Variants in SLCO2A1 observed in about 807,000 individuals in gnomAD.
SLCO2A1 encodes the protein solute carrier organic anion transporter family member 2A1, also known as matrin F/G 1.
A neutral mutation model predicts 71.7 loss-of-function variants in SLCO2A1; 60 were observed. That is an observed-to-expected ratio of 0.84 (90% CI 0.68 to 1.04). The LOEUF is 1.04. SLCO2A1 is among the 50% of genes least tolerant of loss of function. The pLI is 0.00. For missense variants in SLCO2A1, 745 were observed against 813.4 expected, an observed-to-expected ratio of 0.92 and a Z score of 1.02; for synonymous variants, 308 against 326.7, an observed-to-expected ratio of 0.94 and a Z score of 0.62.
At chr3:133,959,118 T>C (rs2081713466) in intron 3 of SLCO2A1, among the ~76,000 whole-genome samples, 1 of 152,226 alleles carries the variant, frequency 6.6e-6, no homozygotes, top group South Asian at 2.1e-4. Context: ...GAGTGATACC[T>C]GCGTCACAGG....
intron 1 of SLCO2A1, among the ~76,000 whole-genome samples, chr3:134,026,874 G>A (rs949068238): frequency 6.6e-6 from 1 of 152,238 alleles, no homozygotes; most frequent in African/African-American, 2.4e-5. Context: ...ACTGGCACAT[G>A]TGCCTGTGCA....
At chr3:133,969,606 G>A (rs918191902) in intron 3 of SLCO2A1, among the ~76,000 whole-genome samples, 1 of 151,446 alleles carries the variant, frequency 6.6e-6, no homozygotes, top group Non-Finnish European at 1.5e-5. Flanking sequence ...GTCTGGTCTC[G>A]AACTCTTGGC....
intron 1 of SLCO2A1, among the ~76,000 whole-genome samples, chr3:134,029,251 A>G (rs1400361818): frequency 6.6e-6 from 1 of 152,156 alleles, no homozygotes; most frequent in Non-Finnish European, 1.5e-5. Context: ...CTCGGACGAG[A>G]CACAGTCTGT....
intron 7 of SLCO2A1, 64 bp downstream of exon 7, chr3:133,948,829 C>A (rs917706393): frequency 2.5e-6 from 4 of 1,587,924 alleles, no homozygotes; most frequent in Non-Finnish European, 2.6e-6. Context: ...GGGCTGGGGT[C>A]CCCCTGGCCA....
chr3:133,996,466 G>C (rs1318261454), intron 1 of SLCO2A1, among the ~76,000 whole-genome samples: 3 of 152,234 alleles, frequency 2.0e-5, no homozygotes, highest in Admixed American at 6.5e-5. Flanking sequence ...TGCTCTGACA[G>C]TGGAGTTGCT....
At chr3:134,006,449 C>T (rs1232619508) in intron 1 of SLCO2A1, among the ~76,000 whole-genome samples, 4 of 152,170 alleles carry the variant, frequency 2.6e-5, no homozygotes, top group Non-Finnish European at 5.9e-5. Context: ...AACTGAGACT[C>T]TATACCCCTT....
intron 3 of SLCO2A1, among the ~76,000 whole-genome samples, chr3:133,962,299 C>T (rs989970016): frequency 6.6e-6 from 1 of 152,090 alleles, no homozygotes; most frequent in South Asian, 2.1e-4. Flanking sequence ...AGGCTGGTCT[C>T]GAACTCCTGA....
In SLCO2A1 at chr3:133,948,874, G is replaced by A. The variant is rs775195777; in HGVS notation, c.940+19C>T. 1 of 1,612,370 alleles carries A rather than the reference G, an allele frequency of 6.2e-7. No individual in the cohort carries two copies. Among genetic ancestry groups the A allele is most frequent in the East Asian group, 2.2e-5 (1 of 44,864 alleles). ...CCCCCGCACTGTGCCAGCCCACCCA[G>A]GGCTGTAGGGTCAGTTACGTTTAAT... is the stretch of plus-strand genomic sequence containing the variant. On this transcript the variant is annotated intron_variant, in intron 7 of 13. Coordinates refer to ENST00000310926, the MANE Select transcript of SLCO2A1 (RefSeq NM_005630.3).
chr3:133,968,191 A>C (rs1288041111), intron 3 of SLCO2A1, among the ~76,000 whole-genome samples: 1 of 143,280 alleles, frequency 7.0e-6, no homozygotes, highest in African/African-American at 2.6e-5. Flanking sequence ...CCACATCTCC[A>C]CATACACCTA....
intron 9 of SLCO2A1, among the ~76,000 whole-genome samples, chr3:133,946,850 C>T (rs1026826064): frequency 6.6e-6 from 1 of 152,116 alleles, no homozygotes; most frequent in African/African-American, 2.4e-5. Flanking sequence ...CGGGGTGGCT[C>T]ACACCTGTAA....
At chr3:133,969,793 C>T (rs937159505) in intron 3 of SLCO2A1, among the ~76,000 whole-genome samples, 2 of 152,164 alleles carry the variant, frequency 1.3e-5, no homozygotes, top group African/African-American at 4.8e-5. Context: ...GAAGACTTGG[C>T]AGGTAAGTGA....
intron 1 of SLCO2A1, among the ~76,000 whole-genome samples, chr3:134,014,671 G>T (rs186367427): frequency 3.9e-5 from 6 of 152,240 alleles, no homozygotes; most frequent in African/African-American, 7.2e-5. Context: ...AGTCTGAAAG[G>T]ACCTCAGAGA....
chr3:133,995,273 A>T (rs550185728), intron 1 of SLCO2A1, among the ~76,000 whole-genome samples: 106 of 152,300 alleles, frequency 7.0e-4, no homozygotes, highest in African/African-American at 2.5e-3. Flanking sequence ...AATGGAGATC[A>T]GAGCCTGTCA....
intron 4 of SLCO2A1, 149 bp downstream of exon 4, chr3:133,954,817 C>T (rs2108045680): frequency 1.6e-6 from 1 of 629,090 alleles, no homozygotes. Context: ...GACATTCAAA[C>T]CAAGTCTGTC....
intron 1 of SLCO2A1, among the ~76,000 whole-genome samples, chr3:133,999,057 C>T (rs1198542686): frequency 1.3e-5 from 2 of 152,246 alleles, no homozygotes; most frequent in Non-Finnish European, 2.9e-5. Flanking sequence ...TGTTGGAACA[C>T]CGCCTCGCCA....
intron 1 of SLCO2A1, among the ~76,000 whole-genome samples, chr3:134,013,700 G>A (rs1381980157): frequency 6.6e-6 from 1 of 152,196 alleles, no homozygotes; most frequent in African/African-American, 2.4e-5. Context: ...ATATCTGGGA[G>A]AGCCAAGTTA....
chr3:134,012,580 C>T (rs540002923), intron 1 of SLCO2A1, among the ~76,000 whole-genome samples: 77 of 152,290 alleles, frequency 5.1e-4, no homozygotes, highest in Non-Finnish European at 9.8e-4. Flanking sequence ...AATAGCTCAG[C>T]TTTATCAACA....
At chr3:134,016,228 T>C (rs1935453033) in intron 1 of SLCO2A1, among the ~76,000 whole-genome samples, 1 of 152,014 alleles carries the variant, frequency 6.6e-6, no homozygotes, top group South Asian at 2.1e-4. Context: ...AATACCTTGT[T>C]AAGAGGATGA....
At chr3:133,947,956 G>C (rs546946950) in intron 8 of SLCO2A1, among the ~76,000 whole-genome samples, 2 of 152,218 alleles carry the variant, frequency 1.3e-5, no homozygotes, top group South Asian at 4.1e-4. Context: ...GATTTCCTAG[G>C]GTACTTGGTG....
Sources: allele counts gnomAD v4.1 joint callset (sites outside exome capture counted in the v4.1 genomes callset), GRCh38; gene constraint gnomAD v4.1.1; transcripts MANE v1.5; gene names NCBI Gene and HGNC (gene_info 2026-07-23, HGNC 2026-07-21).